Variants in WDFY3 observed in about 807,000 individuals in gnomAD.
WDFY3 encodes the protein WD repeat and FYVE domain containing 3.
In WDFY3, 66 loss-of-function variants were observed where a neutral mutation model predicts 409.6. The ratio of observed to expected loss-of-function variants is 0.16; its 90% CI spans 0.13 to 0.20. WDFY3 has a LOEUF of 0.20. Among genes scored for constraint, WDFY3 ranks in the 10% least tolerant of loss-of-function variants. The pLI is 1.00. For missense variants in WDFY3, 3,031 were observed against 4,298.1 expected (o/e 0.71, Z 8.24); for synonymous variants, 1,521 against 1,537.1 (o/e 0.99, Z 0.25).
At chr4:84,784,852 G>GTATATGTA (rs1560752575) in intron 24 of WDFY3, among the ~76,000 whole-genome samples, 1 of 61,650 alleles carries the variant, frequency 1.6e-5, no homozygotes, top group African/African-American at 5.8e-5. Flanking sequence ...AAAAAAAAGT[G>GTATATGTA]TATATGTATA....
chr4:84,688,132 C>T lies in WDFY3; in HGVS notation c.9497G>A (p.Arg3166Gln), dbSNP rs1300763149. Residue 3166 changes from arginine (R) to glutamine (Q), a missense_variant, in exon 62 of 68, where the codon CGA (arginine) becomes CAA (glutamine). Around this residue, in one of 16 missense-constraint regions of WDFY3, gnomAD observed 378 missense variants for 477.3 expected, o/e 0.79. Coordinates refer to ENST00000295888, the MANE Select transcript of WDFY3 (RefSeq NM_014991.6). ...AGCAGAAACTGGAGCTCGATGCCCT[C>T]GAAGCTGGGTTAGAAATGACAGTTT... ...LNKLSFLTQL[R>Q]GHRAPVSALC... 2.5e-6 allele frequency: 4 copies of T among 1,613,958 alleles called. No individual in the cohort carries two copies. Among genetic ancestry groups the T allele is most frequent in the Admixed American group, 1.7e-5 (1 of 59,990 alleles).
At chr4:84,760,247 A>G (rs1208181539) in intron 32 of WDFY3, among the ~76,000 whole-genome samples, 1 of 152,066 alleles carries the variant, frequency 6.6e-6, no homozygotes, top group African/African-American at 2.4e-5. Flanking sequence ...TTCATCAAGG[A>G]TATTGGTCTA....
intron 25 of WDFY3, among the ~76,000 whole-genome samples, chr4:84,781,346 T>G (rs750859741): frequency 6.6e-6 from 1 of 151,904 alleles, no homozygotes; most frequent in Non-Finnish European, 1.5e-5. Context: ...TATATTTCTA[T>G]GTGCTCTGCA....
chr4:84,805,868 G>GT (rs1381034313), intron 15 of WDFY3, among the ~76,000 whole-genome samples: 2 of 152,110 alleles, frequency 1.3e-5, no homozygotes, highest in Non-Finnish European at 2.9e-5. Flanking sequence ...ATTGAACACT[G>GT]TTCAGCTATA....
At chr4:84,859,993 C>T (rs1231081122) in intron 4 of WDFY3, among the ~76,000 whole-genome samples, 1 of 152,234 alleles carries the variant, frequency 6.6e-6, no homozygotes, top group Non-Finnish European at 1.5e-5. Context: ...CTTACAGCAT[C>T]TCTTAAACAA....
intron 3 of WDFY3, among the ~76,000 whole-genome samples, chr4:84,894,947 C>CAAAA (rs70943381): frequency 1.0e-5 from 1 of 98,834 alleles, no homozygotes; most frequent in Non-Finnish European, 2.0e-5. Flanking sequence ...GAGACTGTCT[C>CAAAA]AAAAAAAAAA....
In WDFY3 at chr4:84,759,202, T is replaced by C. The variant is rs1742045228; in HGVS notation, c.5189-2041A>G. Among the ~76,000 whole-genome samples the C allele has an allele frequency of 2.6e-5, 4 of 152,240 alleles. No individual in the cohort carries two copies. The South Asian group carries it at 8.3e-4, about 31-fold the overall frequency. ...ACCAGTACCTTGCTGTTTTGGTTAC[T>C]GTAGCCTTGCAGTAGAGTTTGAAAT... On this transcript the variant is annotated intron_variant, in intron 32 of 67. Transcript: ENST00000295888.
chr4:84,771,048 A>G (rs868301231), intron 30 of WDFY3, among the ~76,000 whole-genome samples: 14 of 152,362 alleles, frequency 9.2e-5, no homozygotes, highest in South Asian at 4.1e-4. Context: ...AATGTTCTAT[A>G]TGAAAGAAAA....
chr4:84,801,437 G>T (rs1232696839), intron 17 of WDFY3, among the ~76,000 whole-genome samples: 2 of 152,162 alleles, frequency 1.3e-5, no homozygotes, highest in Admixed American at 1.3e-4. Flanking sequence ...TCAAATGAAA[G>T]AAATAACTGA....
intron 47 of WDFY3, among the ~76,000 whole-genome samples, chr4:84,721,052 G>A (rs1375880413): frequency 1.3e-5 from 2 of 152,168 alleles, no homozygotes; most frequent in African/African-American, 4.8e-5. Context: ...CCGCTTGTAG[G>A]TTATTACTGG....
chr4:84,774,668 A>C, intron 29 of WDFY3, 152 bp downstream of exon 29: 1 of 820,730 alleles, frequency 1.2e-6, no homozygotes. Flanking sequence ...TGTCTCATTC[A>C]TGTTTTCCAT....
At chr4:84,751,330 G>T in intron 36 of WDFY3, 153 bp downstream of exon 36, 1 of 738,442 alleles carries the variant, frequency 1.4e-6, no homozygotes, top group Non-Finnish European at 2.2e-6. Flanking sequence ...TAAAGCACAT[G>T]TGGGATTAAG....
chr4:84,919,841 G>T (rs565283431), intron 2 of WDFY3, among the ~76,000 whole-genome samples: 19 of 152,246 alleles, frequency 1.2e-4, no homozygotes, highest in Middle Eastern at 6.8e-3. Flanking sequence ...ATTGCAGCGT[G>T]AGAATGAACT....
chr4:84,939,573 C>T (rs1252143262), intron 1 of WDFY3, among the ~76,000 whole-genome samples: 1 of 152,012 alleles, frequency 6.6e-6, no homozygotes, highest in African/African-American at 2.4e-5. Flanking sequence ...CTTCCTTTCT[C>T]CTCTATTCAT....
chr4:84,736,417 C>G, intron 41 of WDFY3, 90 bp from the exon 42 acceptor site: 1 of 1,225,602 alleles, frequency 8.2e-7, no homozygotes, highest in Non-Finnish European at 1.1e-6. Context: ...AAACTACAAC[C>G]CTGTAGTTAA....
intron 47 of WDFY3, 97 bp downstream of exon 47, chr4:84,721,312 A>T (rs1019558505): frequency 1.4e-6 from 2 of 1,449,922 alleles, no homozygotes; most frequent in Non-Finnish European, 9.3e-7. Flanking sequence ...TACCGAGGCT[A>T]ATGCATTTAC....
chr4:84,761,983 G>A (rs1469973154), intron 32 of WDFY3, among the ~76,000 whole-genome samples: 2 of 152,084 alleles, frequency 1.3e-5, no homozygotes, highest in Non-Finnish European at 2.9e-5. Flanking sequence ...GAGAGGACGT[G>A]GAGAAATAGG....
At chr4:84,780,049 A>T in intron 26 of WDFY3, 59 bp downstream of exon 26, 1 of 1,461,916 alleles carries the variant, frequency 6.8e-7, no homozygotes, top group Non-Finnish European at 9.1e-7. Context: ...AATGATAATA[A>T]AAAAGCAGAG....
chr4:84,753,430 G>A (rs1452432455), intron 35 of WDFY3, among the ~76,000 whole-genome samples: 2 of 152,092 alleles, frequency 1.3e-5, no homozygotes, highest in Non-Finnish European at 2.9e-5. Flanking sequence ...ACTTGAAAAG[G>A]GAAATTACTA....
Sources: allele counts gnomAD v4.1 joint callset (sites outside exome capture counted in the v4.1 genomes callset), GRCh38; gene constraint gnomAD v4.1.1; regional missense constraint gnomAD v4.1.1; transcripts MANE v1.5; gene names NCBI Gene and HGNC (gene_info 2026-07-23, HGNC 2026-07-21).